The following SCN4A variants were observed in gnomAD, a reference collection of about 807,000 sequenced individuals.
The protein encoded by SCN4A is sodium voltage-gated channel alpha subunit 4.
A neutral mutation model predicts 162.0 loss-of-function variants in SCN4A; 83 were observed. The ratio of observed to expected loss-of-function variants is 0.51; its 90% confidence interval spans 0.43 to 0.61. SCN4A has a LOEUF of 0.61. SCN4A is among the 20% of genes least tolerant of loss of function. The pLI, the probability that SCN4A is intolerant of heterozygous loss-of-function variation, is 0.00. For synonymous variants in SCN4A, 944 were observed against 985.1 expected (o/e 0.96, Z 0.78); for missense variants, 2,196 against 2,462.5 (o/e 0.89, Z 2.29).
chr17:63,947,971 C>G lies in SCN4A; in HGVS notation c.3237G>C (p.Glu1079Asp), dbSNP rs767152669. The change falls in exon 17 of 24, where the codon GAG (glutamate) becomes GAC (aspartate). Residue 1079 changes from glutamate to aspartate, a missense_variant. By Grantham distance (45) the Glu-to-Asp change is conservative. Transcript: ENST00000435607. ...DKVFTYIFIM[E>D]MLLKWVAYGF... Reference sequence around the variant, plus strand: ...CGTAGGCCACCCATTTGAGCAGCATCTCCATGATGAAGATGTAGGTGAAGA... The same window carrying G: ...CGTAGGCCACCCATTTGAGCAGCATGTCCATGATGAAGATGTAGGTGAAGA... The G allele has an allele frequency of 6.2e-7, 1 of 1,614,046 alleles. No homozygotes were observed. The highest frequency in any genetic ancestry group is 2.2e-5 in the East Asian group (1 of 44,890).
chr17:63,970,197 A>G (rs1231960178), intron 5 of SCN4A, among the ~76,000 whole-genome samples: 1 of 152,014 alleles, frequency 6.6e-6, no homozygotes, highest in Non-Finnish European at 1.5e-5. Context: ...TTCCTCATGG[A>G]GCCTTTTTGT....
At position 63,961,183 on chromosome 17, in the gene SCN4A, C is replaced by T. The variant is rs1318140060; in HGVS notation, c.1845+10G>A. ...GCCCATGAATGATCCCCTCCCCCGCCCCTCCCTACCAGGTTGCCCACAGTG... is the reference window on the plus strand; with the variant it reads ...GCCCATGAATGATCCCCTCCCCCGCTCCTCCCTACCAGGTTGCCCACAGTG... On this transcript the variant is annotated intron_variant, in intron 11 of 23. Coordinates refer to ENST00000435607, the MANE Select transcript of SCN4A (RefSeq NM_000334.4). 2.2e-6 allele frequency: 3 copies of T among 1,345,572 alleles called. No individual in the cohort carries two copies. Among genetic ancestry groups the T allele is most frequent in the Non-Finnish European group, 3.2e-6 (3 of 942,420 alleles). 83.4% of individuals were successfully genotyped at this position (1,345,572 alleles called of 1,614,324 possible). A position where few individuals can be genotyped will look rare whatever the true frequency, so the allele number is the denominator to read the frequency against.
intron 12 of SCN4A, among the ~76,000 whole-genome samples, chr17:63,957,928 C>G (rs2144793829): frequency 6.7e-6 from 1 of 150,364 alleles, no homozygotes; most frequent in East Asian, 1.9e-4. Flanking sequence ...TCGCTTCAAC[C>G]AGGGAGGTGG....
Position 63,951,808 on chromosome 17 carries a change from C to T in SCN4A, c.2469G>A (p.Gln823=), listed in dbSNP as rs1020010363. The T allele has an allele frequency of 1.9e-6, 3 of 1,583,682 alleles. No homozygotes were observed. In the African/African-American group the frequency reaches 4.0e-5, roughly 21 times the overall value. ...CCAACTTGATGCGCCCGATGGCAAT[C>T]TGCAGGTTGTTCATCTCGCCATCCT... The part of the protein sequence containing the change: ...SDEDGEMNNL[Q]IAIGRIKLGI... The change falls in exon 14 of 24, where the codon CAG becomes CAA. Residue 823 remains glutamine (Q), a synonymous_variant. Transcript: ENST00000435607. This position sits in a 1 kb window ranked among gnomAD's most constrained non-coding sequence, Gnocchi z 4.5.
intron 23 of SCN4A, 81 bp downstream of exon 23, chr17:63,942,745 G>T: frequency 7.2e-7 from 1 of 1,396,682 alleles, no homozygotes; most frequent in Non-Finnish European, 9.8e-7. Flanking sequence ...GGGTGCAGGG[G>T]CAGGTGTGTC....
chr17:63,940,588 T>C lies in SCN4A; in HGVS notation c.*183A>G, dbSNP rs991628197. The C allele has an allele frequency of 8.2e-6, 5 of 612,934 alleles. No homozygotes were observed. The highest frequency in any genetic ancestry group is 6.9e-5 in the Admixed American group (2 of 28,792). 38.0% of individuals were successfully genotyped at this position (612,934 alleles called of 1,614,324 possible). A position where few individuals can be genotyped will look rare whatever the true frequency, so the allele number is the denominator to read the frequency against. Reference sequence around the variant, plus strand: ...CCCTGAGCGCAATTCCCATTTCCCATGGTCTGGGAACGCAGGCGCTCGGGC... The same window carrying C: ...CCCTGAGCGCAATTCCCATTTCCCACGGTCTGGGAACGCAGGCGCTCGGGC... On this transcript the variant is annotated 3_prime_UTR_variant, in exon 24 of 24. Transcript: ENST00000435607.
rs1362538504 is a variant in SCN4A at position 63,964,544 on chromosome 17, G to T, written c.1376C>A (p.Ala459Asp). 5 of 1,614,020 alleles carry T rather than the reference G, an allele frequency of 3.1e-6. No homozygotes were observed. In the Admixed American group the frequency reaches 6.7e-5, roughly 22 times the overall value. ...CTCCTCCTCTTTCTCCTTATCCTCG[G>T]CCAGGGTGGCCTCATTCTGCTCGGC... The part of the protein sequence containing the change: ...AYAEQNEATL[A>D]EDKEKEEEFQ... The change falls in exon 9 of 24, where the codon GCC (alanine) becomes GAC (aspartate). Residue 459 changes from alanine to aspartate, a missense_variant. By Grantham distance (126) the Ala-to-Asp change is moderately radical. Coordinates refer to ENST00000435607, the MANE Select transcript of SCN4A (RefSeq NM_000334.4).
rs1567816176 is a variant in SCN4A, at chr17:63,941,461, C to G, written c.4821G>C (p.Glu1607Asp). 5 of 1,614,136 alleles carry G rather than the reference C, an allele frequency of 3.1e-6. No homozygotes were observed. The highest frequency in any genetic ancestry group is 1.1e-5 in the South Asian group (1 of 91,078). ...ILENFNVATEESSEPLGEDDF... is the reference protein window; with the variant it reads ...ILENFNVATEDSSEPLGEDDF... ...CATCTTCACCAAGGGGCTCGCTGCTCTCCTCTGTGGCCACATTGAAGTTCT... is the reference window on the plus strand; with the variant it reads ...CATCTTCACCAAGGGGCTCGCTGCTGTCCTCTGTGGCCACATTGAAGTTCT... The change falls in exon 24 of 24, where the codon GAG (glutamate) becomes GAC (aspartate). Residue 1607 changes from glutamate to aspartate, a missense_variant. Glu to Asp is a conservative substitution (Grantham distance 45). Coordinates refer to ENST00000435607, the MANE Select transcript of SCN4A (RefSeq NM_000334.4). The surrounding 1 kb of genome is among the most constrained non-coding windows in gnomAD (Gnocchi z 6.2).
intron 13 of SCN4A, among the ~76,000 whole-genome samples, chr17:63,956,959 T>C (rs2144792613): frequency 6.6e-6 from 1 of 152,372 alleles, no homozygotes; most frequent in Admixed American, 6.5e-5. Flanking sequence ...TCAGACACTC[T>C]GGGGGTGGGG....
Position 63,944,870 on chromosome 17 carries a change from A to C in SCN4A, c.3775-60T>G. ...GCACGCTGGCTTCTCCCTGCCCCCC[A>C]CAGCCCTGAGGGCAGGACCCATCCA... On this transcript the variant is annotated intron_variant, in intron 20 of 23. Coordinates refer to ENST00000435607, the MANE Select transcript of SCN4A (RefSeq NM_000334.4). The surrounding 1 kb of genome is among the most constrained non-coding windows in gnomAD (Gnocchi z 4.3). 3 of 1,601,808 alleles carry C rather than the reference A, an allele frequency of 1.9e-6. No homozygotes were observed. Among genetic ancestry groups the C allele is most frequent in the Non-Finnish European group, 2.6e-6 (3 of 1,173,370 alleles).
At chr17:63,948,792 A>T in intron 15 of SCN4A, 27 bp from the exon 16 acceptor site, 1 of 1,574,148 alleles carries the variant, frequency 6.4e-7, no homozygotes, top group Non-Finnish European at 8.7e-7. Flanking sequence ...GGACAGGGAC[A>T]GGCACCACAT....
At position 63,972,692 on chromosome 17, in the gene SCN4A, G is replaced by A. The variant is rs374359880; in HGVS notation, c.150C>T (p.Pro50=). 1.5e-5 allele frequency: 25 copies of A among 1,613,486 alleles called. No individual in the cohort carries two copies. The highest frequency in any genetic ancestry group is 4.0e-5 in the African/African-American group (3 of 74,872). The change falls in exon 1 of 24, where the codon CCC becomes CCT. Residue 50 remains proline, a synonymous_variant. Transcript: ENST00000435607. The surrounding 1 kb of genome is among the most constrained non-coding windows in gnomAD (Gnocchi z 4.3). ...QRNKQMEIEE[P]ERKPRSDLEA... The stretch of plus-strand genomic sequence containing the variant: ...CCAAGTCACTTCGTGGCTTCCGTTC[G>A]GGCTCCTCAATCTCCATCTGCTTAT...
chr17:63,947,808 C>T (rs1908772934), intron 17 of SCN4A, 82 bp downstream of exon 17: 2 of 1,457,950 alleles, frequency 1.4e-6, no homozygotes, highest in Non-Finnish European at 1.9e-6. Context: ...AGGTCCTGCC[C>T]TTCAGGGCGT....
chr17:63,942,032 G>A (rs116609378), intron 23 of SCN4A, 39 bp from the exon 24 acceptor site: 5 of 1,521,226 alleles, frequency 3.3e-6, no homozygotes, highest in Admixed American at 2.1e-5. Context: ...CCACTGGGGA[G>A]GGGGGCCGGC....
intron 12 of SCN4A, among the ~76,000 whole-genome samples, chr17:63,958,801 C>A (rs757526259): frequency 6.6e-6 from 1 of 152,234 alleles, no homozygotes; most frequent in African/African-American, 2.4e-5. Flanking sequence ...GATCCACGCG[C>A]CTTGGCCTCC....
rs2228995 is a variant in SCN4A at position 63,940,749 on chromosome 17, T to C, written c.*22A>G. The C allele has an allele frequency of 0.032, 48,888 of 1,535,320 alleles. 12,858 individuals carry two copies. The African/African-American group carries it at 0.58, about 18-fold the overall frequency. ...CTCTGGGGACTATGCCGAGACTCAG[T>C]GGGCCACCCCGATGCTGCCTGCTAG... is the stretch of plus-strand genomic sequence containing the variant. On this transcript the variant is annotated 3_prime_UTR_variant, in exon 24 of 24. Coordinates refer to ENST00000435607, the MANE Select transcript of SCN4A (RefSeq NM_000334.4).
At chr17:63,962,510 T>G (rs899286535) in intron 10 of SCN4A, among the ~76,000 whole-genome samples, 22 of 152,134 alleles carry the variant, frequency 1.4e-4, no homozygotes, top group African/African-American at 5.3e-4. Context: ...GGAGTGTCCT[T>G]GGCCCAGGCA....
intron 12 of SCN4A, among the ~76,000 whole-genome samples, chr17:63,958,450 T>C (rs1386305023): frequency 2.0e-5 from 3 of 152,314 alleles, no homozygotes; most frequent in African/African-American, 7.2e-5. Flanking sequence ...ACAGGAATTG[T>C]AGAATGTTGA....
Position 63,957,459 on chromosome 17 carries a change from A to T in SCN4A, c.2079T>A (p.Ile693=). 1 of 1,614,032 alleles carries T rather than the reference A, an allele frequency of 6.2e-7. No homozygotes were observed. Among genetic ancestry groups the T allele is most frequent in the Non-Finnish European group, 8.5e-7 (1 of 1,179,900 alleles). ...WPTLNMLIKI[I]GNSVGALGNL... is the part of the protein sequence containing the mutation. ...TACCCAGCGCCCCCACTGAATTGCC[A>T]ATGATCTTGATGAGCATGTTCAGCG... Residue 693 remains isoleucine, a synonymous_variant, in exon 13 of 24, where the codon ATT becomes ATA. Transcript: ENST00000435607.
Sources: gnomAD v4.1 joint callset for allele counts (sites outside exome capture counted in the v4.1 genomes callset) on GRCh38, gnomAD v4.1.1 for gene constraint, Gnocchi (gnomAD v3.1) non-coding constraint, MANE v1.5 for transcripts, NCBI Gene and HGNC (gene_info 2026-07-23, HGNC 2026-07-21) for gene names.